HHAT: variants seen among roughly 807,000 people sequenced by gnomAD.
The protein encoded by HHAT is protein-cysteine N-palmitoyltransferase HHAT.
Under a neutral mutation model 70.8 loss-of-function variants are expected in HHAT, and 47 were observed. The ratio of observed to expected loss-of-function variants is 0.66; its 90% confidence interval spans 0.53 to 0.85. HHAT has a LOEUF of 0.85. Among genes scored for constraint, HHAT ranks in the 40% least tolerant of loss-of-function variants. The pLI, the probability that HHAT is intolerant of heterozygous loss-of-function variation, is 0.00. For synonymous variants in HHAT, 228 were observed against 247.6 expected, an observed-to-expected ratio of 0.92 and a Z score of 0.74; for missense variants, 609 against 604.8, an observed-to-expected ratio of 1.01 and a Z score of -0.07.
intron 1 of HHAT, among the ~76,000 whole-genome samples, chr1:210,339,711 A>G (rs1422021797): frequency 6.6e-6 from 1 of 152,208 alleles, no homozygotes; most frequent in Non-Finnish European, 1.5e-5. Flanking sequence ...TGGTGACAGA[A>G]GTCACATGAG....
At chr1:210,342,519 A>G (rs58232186) in intron 1 of HHAT, among the ~76,000 whole-genome samples, 4 of 152,080 alleles carry the variant, frequency 2.6e-5, no homozygotes, top group African/African-American at 7.2e-5. Context: ...GTAGACTGCT[A>G]CTTAAACACA....
At chr1:210,597,829 T>A (rs1663342428) in intron 10 of HHAT, among the ~76,000 whole-genome samples, 1 of 151,944 alleles carries the variant, frequency 6.6e-6, no homozygotes, top group Non-Finnish European at 1.5e-5. Flanking sequence ...CCACTGTGGG[T>A]GAGCTGATAC....
chr1:210,457,634 G>A (rs2093897006), intron 7 of HHAT, among the ~76,000 whole-genome samples: 1 of 152,172 alleles, frequency 6.6e-6, no homozygotes. Flanking sequence ...AGCCCACAGA[G>A]CTAAGGGGCA....
intron 7 of HHAT, 31 bp from the exon 8 acceptor site, chr1:210,464,474 C>T: frequency 3.1e-6 from 5 of 1,613,552 alleles, no homozygotes; most frequent in East Asian, 2.2e-5. Context: ...GATTCTCTTC[C>T]ATGTGTCTGA....
At chr1:210,424,220 C>T (rs377554885) in intron 7 of HHAT, among the ~76,000 whole-genome samples, 1 of 152,026 alleles carries the variant, frequency 6.6e-6, no homozygotes. Flanking sequence ...GTATTTCTTT[C>T]GTCAGCGTTT....
intron 10 of HHAT, among the ~76,000 whole-genome samples, chr1:210,592,316 C>T (rs1236949113): frequency 1.3e-5 from 2 of 152,032 alleles, no homozygotes; most frequent in African/African-American, 2.4e-5. Context: ...ATGTTCTTGG[C>T]ACTTTTGTTG....
chr1:210,515,009 C>T (rs765011434), intron 9 of HHAT, among the ~76,000 whole-genome samples: 31 of 152,170 alleles, frequency 2.0e-4, no homozygotes, highest in Non-Finnish European at 4.6e-4. Context: ...ACTGGTATCC[C>T]CTTGCTCTGG....
At chr1:210,486,051 T>A (rs1404031025) in intron 8 of HHAT, among the ~76,000 whole-genome samples, 1 of 152,200 alleles carries the variant, frequency 6.6e-6, no homozygotes, top group African/African-American at 2.4e-5. Flanking sequence ...GAGGCAGGAA[T>A]TATACGTGCT....
chr1:210,573,612 T>C (rs986414278), intron 9 of HHAT, among the ~76,000 whole-genome samples: 3 of 152,160 alleles, frequency 2.0e-5, no homozygotes, highest in African/African-American at 7.2e-5. Flanking sequence ...GAGTTTTGCT[T>C]TGTGGTTAAA....
chr1:210,508,725 G>A (rs2094905012), intron 8 of HHAT, among the ~76,000 whole-genome samples: 1 of 152,030 alleles, frequency 6.6e-6, no homozygotes, highest in African/African-American at 2.4e-5. Flanking sequence ...TTTTATATAT[G>A]TTCACTCATT....
At chr1:210,524,070 G>A (rs775584950) in intron 9 of HHAT, among the ~76,000 whole-genome samples, 2 of 152,132 alleles carry the variant, frequency 1.3e-5, no homozygotes, top group Non-Finnish European at 2.9e-5. Context: ...AAACAAAAAT[G>A]GAATGATGGT....
chr1:210,386,724 G>C (rs1453579416), intron 3 of HHAT, among the ~76,000 whole-genome samples: 1 of 152,086 alleles, frequency 6.6e-6, no homozygotes, highest in African/African-American at 2.4e-5. Context: ...GGCTCCTGAG[G>C]CCATGACTTT....
intron 9 of HHAT, among the ~76,000 whole-genome samples, chr1:210,581,746 C>A (rs1659308382): frequency 6.6e-6 from 1 of 152,166 alleles, no homozygotes; most frequent in Non-Finnish European, 1.5e-5. Flanking sequence ...CCAAAGTCTC[C>A]CAGTACCTGG....
chr1:210,511,981 G>A lies in HHAT; in HGVS notation c.1008-1172G>A, dbSNP rs150951308. On this transcript the variant is annotated intron_variant, in intron 8 of 11. Transcript: ENST00000261458. ...CAGTCCGACCCAAAGGGAGAGAAGG[G>A]CACTGGCTACATGATCAGAGGTTCA... 2.7e-3 allele frequency among the ~76,000 whole-genome samples: 407 copies of A among 152,124 alleles called. 2 individuals carry two copies. Among genetic ancestry groups the A allele is most frequent in the Non-Finnish European group, 4.2e-3 (286 of 67,984 alleles).
At chr1:210,433,864 C>A (rs2148333254) in intron 7 of HHAT, among the ~76,000 whole-genome samples, 1 of 152,098 alleles carries the variant, frequency 6.6e-6, no homozygotes, top group Non-Finnish European at 1.5e-5. Context: ...TCTTCCTGAG[C>A]ACTGCCTGGG....
chr1:210,640,175 T>G (rs1219596046), intron 11 of HHAT, among the ~76,000 whole-genome samples: 1 of 152,220 alleles, frequency 6.6e-6, no homozygotes, highest in East Asian at 1.9e-4. Context: ...TAGATTATAG[T>G]GCTTTGAGAG....
intron 10 of HHAT, among the ~76,000 whole-genome samples, chr1:210,622,413 G>A (rs1669015476): frequency 6.6e-6 from 1 of 152,302 alleles, no homozygotes; most frequent in South Asian, 2.1e-4. Context: ...GTCCCTTGGG[G>A]TGGTCCCCGT....
intron 8 of HHAT, among the ~76,000 whole-genome samples, chr1:210,465,950 CAAGGAATTGCAAGGAATGAATT>C (rs2094093946): frequency 2.1e-5 from 1 of 46,984 alleles, no homozygotes; most frequent in African/African-American, 9.1e-5. Context: ...GAATGAATTG[CAAGGAATTGCAAGGAATGAATT>C]GCAAGGAATT....
At chr1:210,487,845 A>G (rs2094495807) in intron 8 of HHAT, among the ~76,000 whole-genome samples, 1 of 152,214 alleles carries the variant, frequency 6.6e-6, no homozygotes, top group South Asian at 2.1e-4. Flanking sequence ...ACCAAGAGAC[A>G]GCTTTTATCA....
Sources: gnomAD v4.1 joint callset for allele counts (sites outside exome capture counted in the v4.1 genomes callset) on GRCh38, gnomAD v4.1.1 for gene constraint, MANE v1.5 for transcripts, NCBI Gene and HGNC (gene_info 2026-07-23, HGNC 2026-07-21) for gene names.